The following NBEA variants were observed in gnomAD, a reference collection of about 807,000 sequenced individuals.
NBEA encodes neurobeachin, also known as lysosomal-trafficking regulator 2.
In NBEA, 44 loss-of-function variants were observed where a neutral mutation model predicts 343.4. That is an observed-to-expected ratio of 0.13 (90% CI 0.10 to 0.16). The LOEUF is 0.16. Among genes scored for constraint, NBEA ranks in the 10% least tolerant of loss-of-function variants. The pLI is 1.00. For missense variants in NBEA, 2,555 were observed against 3,631.3 expected (o/e 0.70, Z 7.62); for synonymous variants, 1,175 against 1,238.7 (o/e 0.95, Z 1.08).
At chr13:35,163,277 A>T (rs2069712097) in intron 23 of NBEA, among the ~76,000 whole-genome samples, 1 of 152,160 alleles carries the variant, frequency 6.6e-6, no homozygotes, top group South Asian at 2.1e-4. Context: ...ATAATAATTC[A>T]CAACTCTAAA....
At chr13:35,002,933 A>C (rs1474139143) in intron 1 of NBEA, among the ~76,000 whole-genome samples, 3 of 152,162 alleles carry the variant, frequency 2.0e-5, no homozygotes, top group Admixed American at 2.0e-4. Context: ...CAGTTCCTTC[A>C]ACGTTTGAAG....
At chr13:35,456,074 G>T (rs1481484121) in intron 40 of NBEA, among the ~76,000 whole-genome samples, 1 of 151,996 alleles carries the variant, frequency 6.6e-6, no homozygotes, top group Non-Finnish European at 1.5e-5. Flanking sequence ...TAGTCTATGT[G>T]TGGTCCAAAT....
intron 55 of NBEA, among the ~76,000 whole-genome samples, chr13:35,659,268 C>T (rs2153083986): frequency 6.6e-6 from 1 of 152,296 alleles, no homozygotes; most frequent in Admixed American, 6.5e-5. Context: ...GGACATGGAA[C>T]TGCTTTGTGT....
intron 20 of NBEA, among the ~76,000 whole-genome samples, 154 bp downstream of exon 20, chr13:35,156,360 G>A (rs572628572): frequency 6.4e-4 from 97 of 151,364 alleles, no homozygotes; most frequent in South Asian, 1.3e-3. Flanking sequence ...ATCTGTATTC[G>A]GTATTCTTCT....
chr13:35,652,688 C>CT (rs766315741), intron 53 of NBEA, among the ~76,000 whole-genome samples: 19,009 of 66,664 alleles, frequency 0.29, 4,642 homozygotes, highest in Middle Eastern at 0.38. Context: ...TTCTGGCAGT[C>CT]TTTTTTTTTT....
intron 4 of NBEA, among the ~76,000 whole-genome samples, chr13:35,046,140 GC>G (rs1241153390): frequency 1.9e-4 from 29 of 152,014 alleles, no homozygotes; most frequent in Non-Finnish European, 4.4e-5. Flanking sequence ...GAGTAGTATG[GC>G]ATTTTATGGA....
chr13:35,019,885 C>T (rs2061776425), intron 1 of NBEA, among the ~76,000 whole-genome samples: 1 of 152,102 alleles, frequency 6.6e-6, no homozygotes, highest in Non-Finnish European at 1.5e-5. Flanking sequence ...TATATTGGTT[C>T]TCTTTGCCTC....
At chr13:35,332,972 T>G (rs918033252) in intron 36 of NBEA, among the ~76,000 whole-genome samples, 1 of 152,006 alleles carries the variant, frequency 6.6e-6, no homozygotes, top group African/African-American at 2.4e-5. Context: ...TAACATGTCA[T>G]TGGGATTTTA....
rs932871511 is a variant in NBEA at position 35,365,697 on chromosome 13, C to T, written c.6179+13374C>T. Reference sequence around the variant, plus strand: ...TTTTATTTATATATCATCACATTTTCTAAAACAAAATGTTCTACTCAAAAA... The same window carrying T: ...TTTTATTTATATATCATCACATTTTTTAAAACAAAATGTTCTACTCAAAAA... On this transcript the variant is annotated intron_variant, in intron 38 of 58. Coordinates refer to ENST00000379939, the MANE Select transcript of NBEA (RefSeq NM_001385012.1). Among the ~76,000 whole-genome samples, 96 of 151,562 alleles carry T rather than the reference C, an allele frequency of 6.3e-4. 1 individual carries two copies. Among genetic ancestry groups the T allele is most frequent in the Non-Finnish European group, 8.9e-5 (6 of 67,622 alleles).
intron 41 of NBEA, among the ~76,000 whole-genome samples, chr13:35,543,593 A>T (rs2078931475): frequency 6.6e-6 from 1 of 152,138 alleles, no homozygotes; most frequent in Non-Finnish European, 1.5e-5. Context: ...ATTTCGAATC[A>T]TCCAATTTGA....
At chr13:35,204,092 G>A (rs530341703) in intron 31 of NBEA, among the ~76,000 whole-genome samples, 3 of 152,242 alleles carry the variant, frequency 2.0e-5, no homozygotes, top group African/African-American at 7.2e-5. Flanking sequence ...AGCTTCATCT[G>A]CATTTACAGC....
chr13:35,028,889 G>T (rs1256393339), intron 1 of NBEA, among the ~76,000 whole-genome samples: 1 of 151,330 alleles, frequency 6.6e-6, no homozygotes, highest in African/African-American at 2.4e-5. Flanking sequence ...TTTGTGTCTG[G>T]TTCATTTCAC....
At chr13:35,454,102 G>A (rs1237290805) in intron 40 of NBEA, among the ~76,000 whole-genome samples, 1 of 152,046 alleles carries the variant, frequency 6.6e-6, no homozygotes, top group African/African-American at 2.4e-5. Flanking sequence ...CTAAAGTATT[G>A]ATCCTCTGCC....
chr13:35,164,628 T>C (rs2069846100), intron 24 of NBEA, 119 bp downstream of exon 24: 1 of 1,074,734 alleles, frequency 9.3e-7, no homozygotes, highest in South Asian at 1.5e-5. Flanking sequence ...GGCAAATTTT[T>C]AACCATTTAA....
chr13:35,130,979 T>C (rs1266630168), intron 17 of NBEA, among the ~76,000 whole-genome samples: 3 of 152,112 alleles, frequency 2.0e-5, no homozygotes, highest in Non-Finnish European at 4.4e-5. Flanking sequence ...GTCTAAATGA[T>C]ACTAGAGAAA....
At position 35,084,000 on chromosome 13, in the gene NBEA, G is replaced by C. The variant is rs372800582; in HGVS notation, c.1571+13148G>C. Reference sequence around the variant, plus strand: ...AAGAAGGCCATTACATAATGGTAAAGGGATCAATTCAACAAGAAGAGCTAA... The same window carrying C: ...AAGAAGGCCATTACATAATGGTAAACGGATCAATTCAACAAGAAGAGCTAA... On this transcript the variant is annotated intron_variant, in intron 10 of 58. Coordinates refer to ENST00000379939, the MANE Select transcript of NBEA (RefSeq NM_001385012.1). Among the ~76,000 whole-genome samples the C allele has an allele frequency of 9.2e-5, 14 of 152,228 alleles. No individual in the cohort carries two copies. The South Asian group carries it at 2.9e-3, about 32-fold the overall frequency.
At chr13:35,058,692 TTTTC>T in intron 7 of NBEA, 21 bp from the exon 8 acceptor site, 2 of 1,543,346 alleles carry the variant, frequency 1.3e-6, no homozygotes, top group Non-Finnish European at 1.8e-6. Flanking sequence ...AATAATGCAT[TTTTC>T]TTTATTACTT....
In NBEA at chr13:35,540,406, C is replaced by T. The variant is rs941520770; in HGVS notation, c.6586-10071C>T. Among the ~76,000 whole-genome samples, 2 of 152,132 alleles carry T rather than the reference C, an allele frequency of 1.3e-5. 1 individual carries two copies. Among genetic ancestry groups the T allele is most frequent in the South Asian group, 4.1e-4 (2 of 4,828 alleles). The stretch of plus-strand genomic sequence containing the variant: ...TTCAGTAGTATAGAGTTCTGGTCTC[C>T]CCACCTCATCCCTTTGTAAAATAAT... On this transcript the variant is annotated intron_variant, in intron 41 of 58. Transcript: ENST00000379939.
At chr13:35,568,851 A>C (rs1009313874) in intron 45 of NBEA, among the ~76,000 whole-genome samples, 3 of 152,226 alleles carry the variant, frequency 2.0e-5, no homozygotes, top group African/African-American at 7.2e-5. Context: ...GATTAGGGAC[A>C]AGATTAGGAA....
Sources: allele counts gnomAD v4.1 joint callset (sites outside exome capture counted in the v4.1 genomes callset), GRCh38; gene constraint gnomAD v4.1.1; transcripts MANE v1.5; gene names NCBI Gene and HGNC (gene_info 2026-07-23, HGNC 2026-07-21).